The following DSC3 variants were observed in gnomAD, a reference collection of about 807,000 sequenced individuals.
The protein encoded by DSC3 is desmocollin 3, also known as desmocollin-3.
Under a neutral mutation model 89.5 loss-of-function variants are expected in DSC3, and 97 were observed. The ratio of observed to expected loss-of-function variants is 1.08; its 90% CI spans 0.92 to 1.28. The LOEUF (loss-of-function observed/expected upper bound fraction) is 1.28. Among genes scored for constraint, DSC3 ranks in the 50% most tolerant of loss-of-function variants. The pLI is 0.00. For missense variants in DSC3, 1,199 were observed against 1,085.3 expected (o/e 1.10, Z -1.47); for synonymous variants, 436 against 384.1 (o/e 1.14, Z -1.58).
intron 1 of DSC3, among the ~76,000 whole-genome samples, chr18:31,036,548 T>TC (rs1294991335): frequency 1.3e-5 from 2 of 152,092 alleles, no homozygotes; most frequent in Non-Finnish European, 2.9e-5. Context: ...ACCTCAAAGT[T>TC]CCCCATTGCT....
chr18:31,038,011 A>G (rs918460929), intron 1 of DSC3, among the ~76,000 whole-genome samples: 2 of 152,034 alleles, frequency 1.3e-5, no homozygotes, highest in Non-Finnish European at 2.9e-5. Context: ...CTGTTGATAC[A>G]TTTTCTCTGT....
At chr18:31,025,490 C>A (rs1334210656) in intron 5 of DSC3, among the ~76,000 whole-genome samples, 3 of 152,084 alleles carry the variant, frequency 2.0e-5, no homozygotes, top group Non-Finnish European at 4.4e-5. Flanking sequence ...GCAAAACCAA[C>A]TTTTTGGAAA....
chr18:31,015,404 C>A (rs745986223), intron 9 of DSC3, among the ~76,000 whole-genome samples: 3 of 152,000 alleles, frequency 2.0e-5, no homozygotes, highest in Non-Finnish European at 4.4e-5. Context: ...TTTCTTAATA[C>A]CTCTATGGTC....
rs756704394 is a variant in DSC3, at chr18:30,994,344, T to C, written c.2522A>G (p.Asp841Gly). 1 of 1,614,000 alleles carries C rather than the reference T, an allele frequency of 6.2e-7. No homozygotes were observed. Among genetic ancestry groups the C allele is most frequent in the Non-Finnish European group, 8.5e-7 (1 of 1,180,006 alleles). The change falls in exon 16 of 16, where the codon GAC becomes GGC. Residue 841 changes from aspartate (D) to glycine (G), a missense_variant. Physicochemically the swap from Asp to Gly is moderately conservative, Grantham distance 94. Transcript: ENST00000360428. ...GACATAATCTTGGGATGGCATGCGG[T>C]CTTCATTCTGATTACATCGATGCAA... Reference protein sequence around the residue: ...EKLHRCNQNEDRMPSQDYVLT... With the variant: ...EKLHRCNQNEGRMPSQDYVLT...
chr18:31,020,587 T>C (rs1985385621), intron 7 of DSC3, among the ~76,000 whole-genome samples: 1 of 152,192 alleles, frequency 6.6e-6, no homozygotes, highest in Non-Finnish European at 1.5e-5. Flanking sequence ...TCTTCATTTT[T>C]TTTGTTTCCC....
chr18:30,991,630 T>A lies in DSC3; in HGVS notation c.*2545A>T, dbSNP rs2144663076. The A allele has an allele frequency of 6.6e-6, 1 of 152,074 alleles. No individual in the cohort carries two copies. The highest frequency in any genetic ancestry group is 1.5e-5 in the Non-Finnish European group (1 of 67,992). 9.4% of individuals were successfully genotyped at this position (152,074 alleles called of 1,614,324 possible). A position where few individuals can be genotyped will look rare whatever the true frequency, so the allele number is the denominator to read the frequency against. ...AGGTTTTGATCGGTGAGTGAGGGAG[T>A]GAGCAAAACACAGTGGGTGTTTCAG... On this transcript the variant is annotated 3_prime_UTR_variant, in exon 16 of 16. Coordinates refer to ENST00000360428, the MANE Select transcript of DSC3 (RefSeq NM_001941.5).
intron 1 of DSC3, among the ~76,000 whole-genome samples, chr18:31,035,698 G>A (rs893176487): frequency 2.0e-5 from 3 of 151,586 alleles, no homozygotes; most frequent in South Asian, 2.1e-4. Context: ...AATGCTCAGT[G>A]CCCATCTAGA....
chr18:31,022,337 T>C lies in DSC3; in HGVS notation c.941A>G (p.Glu314Gly), dbSNP rs201032308. The change falls in exon 7 of 16, where the codon GAG becomes GGG. Residue 314 changes from glutamate (E) to glycine (G), a missense_variant and splice_region_variant. Glu to Gly is a moderately conservative substitution (Grantham distance 98, BLOSUM62 -2). Coordinates refer to ENST00000360428, the MANE Select transcript of DSC3 (RefSeq NM_001941.5). ...AATTCTATGGAGTGTGTGAGCTACC[T>C]CTCTGTCCAAATAATGAGAGACTGT... The part of the protein sequence containing the change: ...ITTVSHYLDR[E>G]VVDKYSLIMK... The C allele has an allele frequency of 6.2e-7, 1 of 1,613,934 alleles. No homozygotes were observed. The highest frequency in any genetic ancestry group is 1.1e-5 in the South Asian group (1 of 91,084).
intron 1 of DSC3, among the ~76,000 whole-genome samples, chr18:31,038,711 T>C (rs949690282): frequency 1.3e-5 from 2 of 152,086 alleles, no homozygotes; most frequent in Admixed American, 6.5e-5. Context: ...AGATTACATA[T>C]AGCATGTGTG....
chr18:31,037,877 A>G lies in DSC3; in HGVS notation c.69+4715T>C, dbSNP rs199950988. Reference sequence around the variant, plus strand: ...CTCCAGCCTGCACTCCAGCCTGGGGAACAGAGCAAAACTCCATCTCAAAAA... The same window carrying G: ...CTCCAGCCTGCACTCCAGCCTGGGGGACAGAGCAAAACTCCATCTCAAAAA... On this transcript the variant is annotated intron_variant, in intron 1 of 15. Coordinates refer to ENST00000360428, the MANE Select transcript of DSC3 (RefSeq NM_001941.5). Among the ~76,000 whole-genome samples the G allele has an allele frequency of 8.5e-5, 13 of 152,062 alleles. No homozygotes were observed. In the East Asian group the frequency reaches 2.5e-3, roughly 29 times the overall value.
chr18:30,994,015 A>C lies in DSC3; in HGVS notation c.*160T>G, dbSNP rs1984364245. On this transcript the variant is annotated 3_prime_UTR_variant, in exon 16 of 16. Transcript: ENST00000360428. The stretch of plus-strand genomic sequence containing the variant: ...TAACATTTTTCACTTTTTGGAAAAG[A>C]TAAGCAACAACTTGCTTTAAAAATA... 1.4e-6 allele frequency: 1 copy of C among 720,226 alleles called. No individual in the cohort carries two copies. The highest frequency in any genetic ancestry group is 2.3e-6 in the Non-Finnish European group (1 of 437,856). 44.6% of individuals were successfully genotyped at this position (720,226 alleles called of 1,614,324 possible).
At chr18:31,006,821 A>C in intron 12 of DSC3, 86 bp downstream of exon 12, 2 of 1,094,928 alleles carry the variant, frequency 1.8e-6, no homozygotes, top group Non-Finnish European at 2.7e-6. Flanking sequence ...GTTTTACTTC[A>C]TGCTTTGTGT....
At chr18:31,035,191 C>T (rs957586486) in intron 1 of DSC3, among the ~76,000 whole-genome samples, 5 of 152,018 alleles carry the variant, frequency 3.3e-5, no homozygotes, top group African/African-American at 1.2e-4. Flanking sequence ...GGTAACATAA[C>T]TGTAAATATA....
rs1984751836 is a variant in DSC3, at chr18:31,004,049, T to C, written c.2113+93A>G. 33 of 972,936 alleles carry C rather than the reference T, an allele frequency of 3.4e-5. No homozygotes were observed. The South Asian group carries it at 4.7e-4, about 14-fold the overall frequency. The allele number at this position is 972,936 out of a possible 1,614,324, so 60.3% of individuals were successfully genotyped here. A position where few individuals can be genotyped will look rare whatever the true frequency, so the allele number is the denominator to read the frequency against. On this transcript the variant is annotated intron_variant, in intron 13 of 15. Coordinates refer to ENST00000360428, the MANE Select transcript of DSC3 (RefSeq NM_001941.5). Reference sequence around the variant, plus strand: ...AACTTGGAAAGAGACTCACATCTGATGGATGCTTGGACGAGATTATTTTTT... The same window carrying C: ...AACTTGGAAAGAGACTCACATCTGACGGATGCTTGGACGAGATTATTTTTT...
intron 6 of DSC3, among the ~76,000 whole-genome samples, chr18:31,023,343 G>C (rs990218313): frequency 3.3e-5 from 5 of 152,094 alleles, no homozygotes; most frequent in Non-Finnish European, 7.4e-5. Context: ...CAGTGAGTTA[G>C]TAACACACCC....
In DSC3 at chr18:31,030,205, G is replaced by A. The variant is rs114815425; in HGVS notation, c.355-577C>T. Among the ~76,000 whole-genome samples, 1,193 of 152,274 alleles carry A rather than the reference G, an allele frequency of 7.8e-3. 20 individuals are homozygous for A. Among genetic ancestry groups the A allele is most frequent in the African/African-American group, 0.028 (1,153 of 41,562 alleles). On this transcript the variant is annotated intron_variant, in intron 3 of 15. Coordinates refer to ENST00000360428, the MANE Select transcript of DSC3 (RefSeq NM_001941.5). The stretch of plus-strand genomic sequence containing the variant: ...GCAGAGTAGCCATTAATATTGAGCT[G>A]TCATATCAAACAGTGCAGATAGTGC...
intron 14 of DSC3, among the ~76,000 whole-genome samples, chr18:30,998,464 T>A (rs904408382): frequency 6.6e-6 from 1 of 152,168 alleles, no homozygotes; most frequent in Non-Finnish European, 1.5e-5. Context: ...ATGTCCAAGA[T>A]GAATATATGA....
chr18:31,020,744 A>T (rs1985391285), intron 7 of DSC3, among the ~76,000 whole-genome samples: 1 of 151,970 alleles, frequency 6.6e-6, no homozygotes, highest in African/African-American at 2.4e-5. Flanking sequence ...AGGAGTCGAG[A>T]CCAGCCTAGG....
intron 1 of DSC3, among the ~76,000 whole-genome samples, chr18:31,033,975 T>C (rs547390575): frequency 6.6e-6 from 1 of 152,220 alleles, no homozygotes; most frequent in Admixed American, 6.5e-5. Flanking sequence ...AGGTGCCCGC[T>C]ACCACGATCG....
Sources: allele counts gnomAD v4.1 joint callset (sites outside exome capture counted in the v4.1 genomes callset), GRCh38; gene constraint gnomAD v4.1.1; transcripts MANE v1.5; gene names NCBI Gene and HGNC (gene_info 2026-07-23, HGNC 2026-07-21).